ATP6V0A1: variants seen among roughly 807,000 people sequenced by gnomAD.
ATP6V0A1 encodes the protein V-type proton ATPase 116 kDa subunit a 1.
In ATP6V0A1, 43 loss-of-function variants were observed where a neutral mutation model predicts 105.4. The ratio of observed to expected loss-of-function variants is 0.41; its 90% CI spans 0.32 to 0.53. The LOEUF is 0.53. ATP6V0A1 is among the 20% of genes least tolerant of loss of function. ATP6V0A1 has a pLI of 0.30. For missense variants in ATP6V0A1, 676 were observed against 1,051.1 expected (o/e 0.64, Z 4.93); for synonymous variants, 362 against 372.8 (o/e 0.97, Z 0.33).
intron 2 of ATP6V0A1, among the ~76,000 whole-genome samples, chr17:42,462,331 C>T (rs1277263445): frequency 4.6e-5 from 7 of 152,098 alleles, no homozygotes; most frequent in Admixed American, 1.3e-4. Context: ...TCTCTTTGCT[C>T]CATGCCAGTC....
intron 5 of ATP6V0A1, 45 bp downstream of exon 5, chr17:42,470,263 C>T: frequency 6.3e-7 from 1 of 1,599,696 alleles, no homozygotes; most frequent in Non-Finnish European, 8.5e-7. Context: ...TGATATTATA[C>T]TCACACAAGT....
intron 18 of ATP6V0A1, 118 bp downstream of exon 18, chr17:42,507,745 C>A: frequency 1.1e-6 from 1 of 883,690 alleles, no homozygotes; most frequent in Non-Finnish European, 1.8e-6. Flanking sequence ...AATTAATATT[C>A]AGCCTGCCTT....
chr17:42,499,185 G>T (rs117760530), intron 15 of ATP6V0A1, 143 bp downstream of exon 15: 23 of 670,666 alleles, frequency 3.4e-5, no homozygotes, highest in Non-Finnish European at 5.9e-5. Flanking sequence ...AAATTTAATG[G>T]TGTGGCCAGG....
At chr17:42,487,049 T>C (rs1210195797) in intron 9 of ATP6V0A1, 106 bp from the exon 10 acceptor site, 1 of 1,113,538 alleles carries the variant, frequency 9.0e-7, no homozygotes, top group East Asian at 2.4e-5. Flanking sequence ...AAAAAGACAA[T>C]TCCCTGGCAA....
At chr17:42,462,232 AAG>A (rs2086501951) in intron 2 of ATP6V0A1, among the ~76,000 whole-genome samples, 1 of 151,716 alleles carries the variant, frequency 6.6e-6, no homozygotes, top group Non-Finnish European at 1.5e-5. Flanking sequence ...AAAAAAAAAA[AAG>A]AGGTGGGGGG....
At chr17:42,515,787 T>C (rs1425830821) in intron 21 of ATP6V0A1, among the ~76,000 whole-genome samples, 1 of 152,176 alleles carries the variant, frequency 6.6e-6, no homozygotes, top group Non-Finnish European at 1.5e-5. Flanking sequence ...AAACTCGGTC[T>C]CAAAAAATAA....
chr17:42,494,511 T>C (rs962466406), intron 12 of ATP6V0A1, 38 bp downstream of exon 12: 1 of 1,563,244 alleles, frequency 6.4e-7, no homozygotes, highest in East Asian at 2.3e-5. Flanking sequence ...ACTGAAATTT[T>C]ATAATTTCCC....
At chr17:42,520,317 C>T (rs1010297556) in intron 21 of ATP6V0A1, 5 of 393,978 alleles carry the variant, frequency 1.3e-5, no homozygotes, top group Admixed American at 3.0e-5. Flanking sequence ...CAAGCAGCCT[C>T]GCTCTGCTTA....
At chr17:42,501,522 C>A (rs981453693) in intron 17 of ATP6V0A1, among the ~76,000 whole-genome samples, 4 of 152,086 alleles carry the variant, frequency 2.6e-5, no homozygotes, top group Non-Finnish European at 4.4e-5. Context: ...TCAAGCAATT[C>A]TTTTGCCTCA....
chr17:42,509,320 T>C (rs1223683369), intron 19 of ATP6V0A1, among the ~76,000 whole-genome samples: 1 of 152,122 alleles, frequency 6.6e-6, no homozygotes, highest in East Asian at 1.9e-4. Flanking sequence ...GTAATTCACT[T>C]AGCAACATAC....
At position 42,486,452 on chromosome 17, in the gene ATP6V0A1, G is replaced by GTAAAATGT. The variant is rs143912462; in HGVS notation, c.811-701_811-694dup. On this transcript the variant is annotated intron_variant, in intron 9 of 21. Coordinates refer to ENST00000343619, the MANE Select transcript of ATP6V0A1 (RefSeq NM_001130021.3). ...ATATTTGGTATTAAGCCAGTGGAAT[G>GTAAAATGT]TAAAATGTTCCTGTACCTTCCTCCC... is the stretch of plus-strand genomic sequence containing the variant. 9.5e-3 allele frequency among the ~76,000 whole-genome samples: 1,446 copies of GTAAAATGT among 152,156 alleles called. 31 individuals are homozygous for GTAAAATGT. The highest frequency in any genetic ancestry group is 0.033 in the African/African-American group (1,368 of 41,504).
At chr17:42,500,125 A>AT (rs2091550234) in intron 15 of ATP6V0A1, among the ~76,000 whole-genome samples, 1 of 150,796 alleles carries the variant, frequency 6.6e-6, no homozygotes, top group Non-Finnish European at 1.5e-5. Context: ...AATGTACTAG[A>AT]TTTTTCCATT....
At chr17:42,515,265 G>A (rs1301383793) in intron 21 of ATP6V0A1, among the ~76,000 whole-genome samples, 2 of 151,896 alleles carry the variant, frequency 1.3e-5, no homozygotes, top group Non-Finnish European at 1.5e-5. Flanking sequence ...TCAGGAATTC[G>A]AGACCAGCCT....
In ATP6V0A1 at chr17:42,475,858, T is replaced by C. The variant is rs899965050; in HGVS notation, c.424-1802T>C. 2.0e-5 allele frequency among the ~76,000 whole-genome samples: 3 copies of C among 152,238 alleles called. No individual in the cohort carries two copies. In the South Asian group the frequency reaches 6.2e-4, roughly 31 times the overall value. On this transcript the variant is annotated intron_variant, in intron 5 of 21. Coordinates refer to ENST00000343619, the MANE Select transcript of ATP6V0A1 (RefSeq NM_001130021.3). ...ATTTTAATTTTGTTGTTTTTTATTC[T>C]CAGAGAGTCCTAGATAGAGTCTTTG... is the stretch of plus-strand genomic sequence containing the variant.
At chr17:42,520,712 A>G (rs2092808417) in intron 21 of ATP6V0A1, 1 of 424,968 alleles carries the variant, frequency 2.4e-6, no homozygotes, top group Admixed American at 3.1e-5. Flanking sequence ...CCACTTGTTC[A>G]TTAACGATGT....
At position 42,513,950 on chromosome 17, in the gene ATP6V0A1, G is replaced by T; in HGVS notation, c.2220G>T (p.Arg740=). Residue 740 remains arginine, a synonymous_variant, in exon 20 of 22, where the codon CGG becomes CGT. Coordinates refer to ENST00000343619, the MANE Select transcript of ATP6V0A1 (RefSeq NM_001130021.3). The part of the protein sequence containing the change: ...GCISNTASYL[R]LWALSLAHAQ... ...TCTCCAACACTGCCTCCTACTTGCG[G>T]CTCTGGGCCCTCAGCCTCGCTCATG... The T allele has an allele frequency of 6.2e-7, 1 of 1,614,212 alleles. No individual in the cohort carries two copies. Among genetic ancestry groups the T allele is most frequent in the African/African-American group, 1.3e-5 (1 of 75,046 alleles).
chr17:42,518,224 C>A (rs141112514), intron 21 of ATP6V0A1: 1 of 152,258 alleles, frequency 6.6e-6, no homozygotes, highest in African/African-American at 2.4e-5. Flanking sequence ...CCTTACCTAG[C>A]GAATTCCACA....
Position 42,501,531 on chromosome 17 carries a change from C to T in ATP6V0A1, c.2004+227C>T, listed in dbSNP as rs540949115. On this transcript the variant is annotated intron_variant, in intron 17 of 21. Coordinates refer to ENST00000343619, the MANE Select transcript of ATP6V0A1 (RefSeq NM_001130021.3). ...CCAGGTTCAAGCAATTCTTTTGCCT[C>T]AGCCTCCTGTGTCACTGGGATTATA... Among the ~76,000 whole-genome samples, 92 of 152,220 alleles carry T rather than the reference C, an allele frequency of 6.0e-4. No homozygotes were observed. The Middle Eastern group carries it at 0.01, about 17-fold the overall frequency.
chr17:42,497,455 G>A (rs557944014), intron 14 of ATP6V0A1, among the ~76,000 whole-genome samples: 326 of 151,630 alleles, frequency 2.1e-3, no homozygotes, highest in African/African-American at 7.7e-3. Flanking sequence ...GGTGGATCAC[G>A]AGGTCAGGAG....
Sources: gnomAD v4.1 joint callset for allele counts (sites outside exome capture counted in the v4.1 genomes callset) on GRCh38, gnomAD v4.1.1 for gene constraint, MANE v1.5 for transcripts, NCBI Gene and HGNC (gene_info 2026-07-23, HGNC 2026-07-21) for gene names.